The following PDE10A variants were observed in gnomAD, a reference collection of about 807,000 sequenced individuals.
The protein encoded by PDE10A is cAMP and cAMP-inhibited cGMP 3',5'-cyclic phosphodiesterase 10A.
Under a neutral mutation model 97.7 loss-of-function variants are expected in PDE10A, and 39 were observed. The observed-to-expected ratio is 0.40, with a 90% CI of 0.31 to 0.52. PDE10A has a LOEUF of 0.52. Among genes scored for constraint, PDE10A ranks in the 20% least tolerant of loss-of-function variants. The pLI, the probability that PDE10A is intolerant of heterozygous loss-of-function variation, is 0.56. For missense variants in PDE10A, 731 were observed against 1,047.8 expected (o/e 0.70, Z 4.17); for synonymous variants, 371 against 376.8 (o/e 0.98, Z 0.18).
chr6:165,453,431 CA>C (rs1011746573), intron 3 of PDE10A, among the ~76,000 whole-genome samples: 1 of 152,192 alleles, frequency 6.6e-6, no homozygotes, highest in African/African-American at 2.4e-5. Context: ...GGAGAAAGAC[CA>C]TAAAGCTGCT....
chr6:165,722,934 T>TTATA (rs145404375), intron 1 of PDE10A, among the ~76,000 whole-genome samples: 2 of 148,074 alleles, frequency 1.4e-5, no homozygotes, highest in Non-Finnish European at 3.0e-5. Flanking sequence ...ATTTTAAGTT[T>TTATA]TATATATATA....
intron 17 of PDE10A, among the ~76,000 whole-genome samples, chr6:165,387,262 A>T (rs572280151): frequency 6.6e-6 from 1 of 152,306 alleles, no homozygotes; most frequent in Non-Finnish European, 1.5e-5. Flanking sequence ...GATAATTCGA[A>T]GAGCACCCAC....
At chr6:165,741,645 G>C (rs1187106213) in intron 1 of PDE10A, among the ~76,000 whole-genome samples, 1 of 152,058 alleles carries the variant, frequency 6.6e-6, no homozygotes, top group Non-Finnish European at 1.5e-5. Flanking sequence ...AATATGCACA[G>C]CATACTATAT....
At chr6:165,824,713 C>T (rs558272880) in intron 1 of PDE10A, among the ~76,000 whole-genome samples, 33 of 152,136 alleles carry the variant, frequency 2.2e-4, no homozygotes, top group East Asian at 1.5e-3. Flanking sequence ...AAAAGTTTTT[C>T]GGCAGCTTCA....
At chr6:165,404,926 C>T (rs1787001563) in intron 13 of PDE10A, among the ~76,000 whole-genome samples, 1 of 152,012 alleles carries the variant, frequency 6.6e-6, no homozygotes, top group Non-Finnish European at 1.5e-5. Context: ...TATCTTTGAC[C>T]TAATCGTGGG....
At chr6:165,582,685 A>C (rs1296425615) in intron 1 of PDE10A, among the ~76,000 whole-genome samples, 1 of 151,882 alleles carries the variant, frequency 6.6e-6, no homozygotes, top group Admixed American at 6.6e-5. Context: ...AAAAAAAAAA[A>C]CAGGTTTTAC....
rs540244860 is a variant in PDE10A at position 165,551,683 on chromosome 6, C to T, written c.866-8115G>A. Among the ~76,000 whole-genome samples the T allele has an allele frequency of 2.0e-5, 3 of 152,216 alleles. No homozygotes were observed. In the East Asian group the frequency reaches 5.8e-4, roughly 29 times the overall value. On this transcript the variant is annotated intron_variant, in intron 1 of 21. Transcript: ENST00000539869. ...CCTTGTGTTTCTTTACACTTCCTCC[C>T]GTCTGAGGTTATTACACTTTAACAG...
rs539308109 is a variant in PDE10A, at chr6:165,452,594, C to T, written c.1024-2232G>A. 7.2e-5 allele frequency among the ~76,000 whole-genome samples: 11 copies of T among 152,258 alleles called. No individual in the cohort carries two copies. In the East Asian group the frequency reaches 2.1e-3, roughly 29 times the overall value. ...TCCTTTCTGCCATGGGATGACACAGCAGTAAGGCCCTCACCAAATGAAGGC... is the reference window on the plus strand; with the variant it reads ...TCCTTTCTGCCATGGGATGACACAGTAGTAAGGCCCTCACCAAATGAAGGC... On this transcript the variant is annotated intron_variant, in intron 3 of 21. Coordinates refer to ENST00000539869, the MANE Select transcript of PDE10A (RefSeq NM_001385079.1).
In PDE10A at chr6:165,331,219, T is replaced by C. The variant is rs1781321822; in HGVS notation, c.*1806A>G. 1 of 152,164 alleles carries C rather than the reference T, an allele frequency of 6.6e-6. No individual in the cohort carries two copies. Among genetic ancestry groups the C allele is most frequent in the Non-Finnish European group, 1.5e-5 (1 of 68,002 alleles). The allele number at this position is 152,164 out of a possible 1,614,324, so 9.4% of individuals were successfully genotyped here. ...GTTCTACATATATTACATCCATCCATATATATATGTGTGTGTATATATCTA... is the reference window on the plus strand; with the variant it reads ...GTTCTACATATATTACATCCATCCACATATATATGTGTGTGTATATATCTA... On this transcript the variant is annotated 3_prime_UTR_variant, in exon 22 of 22. Transcript: ENST00000539869.
At chr6:165,410,070 A>G (rs220762) in intron 13 of PDE10A, among the ~76,000 whole-genome samples, 104,127 of 151,860 alleles carry the variant, frequency 0.69, 36,322 homozygotes, top group Middle Eastern at 0.84. Context: ...AAGATGATCA[A>G]TTTCCATATT....
intron 1 of PDE10A, among the ~76,000 whole-genome samples, chr6:165,566,154 T>C (rs892154949): frequency 1.3e-5 from 2 of 152,132 alleles, no homozygotes; most frequent in African/African-American, 2.4e-5. Context: ...AAGCCACAGA[T>C]TGGGAGAAAA....
chr6:165,907,143 CAGG>C (rs1453345446), intron 1 of PDE10A, among the ~76,000 whole-genome samples: 2 of 152,226 alleles, frequency 1.3e-5, no homozygotes, highest in Non-Finnish European at 2.9e-5. Flanking sequence ...TTATATGTAG[CAGG>C]AGACTATTCA....
At chr6:165,719,802 C>A (rs1341798553) in intron 1 of PDE10A, among the ~76,000 whole-genome samples, 1 of 152,170 alleles carries the variant, frequency 6.6e-6, no homozygotes, top group Non-Finnish European at 1.5e-5. Context: ...AAAAACTAAG[C>A]ACATGAAGAA....
chr6:165,466,728 C>T (rs558705881), intron 3 of PDE10A, among the ~76,000 whole-genome samples: 1 of 152,272 alleles, frequency 6.6e-6, no homozygotes, highest in South Asian at 2.1e-4. Context: ...TTGAACCTCC[C>T]TAATCCTGAG....
chr6:165,849,855 A>G (rs941119810), intron 1 of PDE10A, among the ~76,000 whole-genome samples: 1 of 152,226 alleles, frequency 6.6e-6, no homozygotes, highest in Non-Finnish European at 1.5e-5. Context: ...CTTGCACTTC[A>G]AAAGTTGCAC....
In PDE10A at chr6:165,388,496, A is replaced by T. The variant is rs753079211; in HGVS notation, c.2455-43T>A. On this transcript the variant is annotated intron_variant, in intron 16 of 21. Transcript: ENST00000539869. The surrounding 1 kb of genome is among the most constrained non-coding windows in gnomAD (Gnocchi z 4.0). ...ATGCAGAGATGCTCAAAACACAGAAACACACATGAGCAGACTTACCGCTTA... is the reference window on the plus strand; with the variant it reads ...ATGCAGAGATGCTCAAAACACAGAATCACACATGAGCAGACTTACCGCTTA... 3 of 1,585,718 alleles carry T rather than the reference A, an allele frequency of 1.9e-6. No individual in the cohort carries two copies. The African/African-American group carries it at 4.0e-5, about 21-fold the overall frequency.
chr6:165,401,707 T>C (rs1786678370), intron 13 of PDE10A, among the ~76,000 whole-genome samples: 2 of 152,322 alleles, frequency 1.3e-5, no homozygotes, highest in African/African-American at 2.4e-5. Context: ...CACCTTTTCC[T>C]AGCTGCGCAA....
intron 13 of PDE10A, among the ~76,000 whole-genome samples, chr6:165,401,978 A>G (rs1019197445): frequency 1.3e-5 from 2 of 152,178 alleles, no homozygotes; most frequent in South Asian, 4.1e-4. Context: ...TATTTACTGT[A>G]AATTGGTATT....
At chr6:165,578,581 C>T (rs892778861) in intron 1 of PDE10A, among the ~76,000 whole-genome samples, 7 of 152,200 alleles carry the variant, frequency 4.6e-5, no homozygotes, top group Admixed American at 4.6e-4. Flanking sequence ...CGCTACTCTC[C>T]CCATTCCTAT....
Sources: gnomAD v4.1 joint callset for allele counts (sites outside exome capture counted in the v4.1 genomes callset) on GRCh38, gnomAD v4.1.1 for gene constraint, Gnocchi (gnomAD v3.1) non-coding constraint, MANE v1.5 for transcripts, NCBI Gene and HGNC (gene_info 2026-07-23, HGNC 2026-07-21) for gene names.